DHX38: variants seen among roughly 807,000 people sequenced by gnomAD.
DHX38 encodes the protein DEAH-box helicase 38.
In DHX38, 100 loss-of-function variants were observed where a neutral mutation model predicts 153.1. That is an observed-to-expected ratio of 0.65 (90% confidence interval 0.56 to 0.77). The LOEUF is 0.77. Among genes scored for constraint, DHX38 ranks in the 30% least tolerant of loss-of-function variants. DHX38 has a pLI of 0.00. For missense variants in DHX38, 1,440 were observed against 1,654.0 expected (o/e 0.87, Z 2.24); for synonymous variants, 650 against 631.7 (o/e 1.03, Z -0.43).
rs531042365 is a variant in DHX38, at chr16:72,097,390, T to C, written c.512-287T>C. 3 of 447,162 alleles carry C rather than the reference T, an allele frequency of 6.7e-6. No individual in the cohort carries two copies. In the Admixed American group the frequency reaches 1.0e-4, roughly 15 times the overall value. The allele number at this position is 447,162 out of a possible 1,614,324, so 27.7% of individuals were successfully genotyped here. ...GCTCAGTATTAAGTTTTATAGCTGA[T>C]AGAATTGTAACTATTAAAAAAAATG... is the stretch of plus-strand genomic sequence containing the variant. On this transcript the variant is annotated intron_variant, in intron 3 of 26. Transcript: ENST00000268482.
chr16:72,104,585 ATCCCTGGCCGTACCT>A lies in DHX38; in HGVS notation c.2117_2131del (p.Gly706_Pro710del). The A allele has an allele frequency of 6.2e-7, 1 of 1,614,130 alleles. No individual in the cohort carries two copies. The highest frequency in any genetic ancestry group is 8.5e-7 in the Non-Finnish European group (1 of 1,180,026). ...TTTTGGGAATGTCCCCATCTTCCAC[ATCCCTGGCCGTACCT>A]TCCCTGTTGACATCCTCTTCAGCAA... is the stretch of plus-strand genomic sequence containing the variant. On this transcript the variant is annotated inframe_deletion, in exon 15 of 27. Transcript: ENST00000268482. This position sits in a 1 kb window ranked among gnomAD's most constrained non-coding sequence, Gnocchi z 4.5.
chr16:72,096,252 C>G lies in DHX38; in HGVS notation c.95C>G (p.Ala32Gly), dbSNP rs867897120. Residue 32 changes from alanine (A) to glycine (G), a missense_variant, in exon 2 of 27, where the codon GCG becomes GGG. This residue lies in a region of DHX38 where 483 missense variants were observed against 465.1 expected (regional missense o/e 1.04). Coordinates refer to ENST00000268482, the MANE Select transcript of DHX38 (RefSeq NM_014003.4). ...GGTCTTATTTGCAAGTCCAAAAGTG[C>G]GGCCAGCGAGCAGCATGTCTTCAAG... The part of the protein sequence containing the change: ...VGGLICKSKS[A>G]ASEQHVFKAP... The G allele has an allele frequency of 6.2e-7, 1 of 1,614,178 alleles. No individual in the cohort carries two copies. The highest frequency in any genetic ancestry group is 8.5e-7 in the Non-Finnish European group (1 of 1,180,036).
chr16:72,097,933 G>T, intron 4 of DHX38, 152 bp downstream of exon 4: 2 of 734,304 alleles, frequency 2.7e-6, no homozygotes, highest in Non-Finnish European at 4.6e-6. Flanking sequence ...AGTCAGGTGG[G>T]CACAGCTCTG....
Position 72,108,483 on chromosome 16 carries a change from T to C in DHX38, c.3131T>C (p.Val1044Ala). 1 of 1,613,844 alleles carries C rather than the reference T, an allele frequency of 6.2e-7. No homozygotes were observed. The highest frequency in any genetic ancestry group is 8.5e-7 in the Non-Finnish European group (1 of 1,179,956). Residue 1044 changes from valine (V) to alanine (A), a missense_variant, in exon 23 of 27, where the codon GTG becomes GCG. Val to Ala is a moderately conservative substitution (Grantham distance 64, BLOSUM62 0). Transcript: ENST00000268482. ...HAKAMRKVRE[V>A]RAQLKDIMVQ... ...CGTCTCCTGCCCTAGGTCCGGGAGG[T>C]GCGAGCTCAACTCAAGGACATCATG...
intron 5 of DHX38, 50 bp from the exon 6 acceptor site, chr16:72,098,877 C>T (rs369922779): frequency 1.6e-5 from 26 of 1,613,676 alleles, no homozygotes; most frequent in South Asian, 1.3e-4. Context: ...GCCAGGAGGA[C>T]GTGGCTTAGC....
Position 72,096,471 on chromosome 16 carries a change from G to T in DHX38, c.314G>T (p.Arg105Leu), listed in dbSNP as rs762921890. 1.2e-6 allele frequency: 2 copies of T among 1,611,788 alleles called. No individual in the cohort carries two copies. Among genetic ancestry groups the T allele is most frequent in the African/African-American group, 2.7e-5 (2 of 74,894 alleles). The change falls in exon 2 of 27, where the codon CGG becomes CTG. Residue 105 changes from arginine to leucine, a missense_variant. By Grantham distance (102) the Arg-to-Leu change is moderately radical. Around this residue, in one of 6 missense-constraint regions of DHX38, gnomAD observed 483 missense variants for 465.1 expected, o/e 1.04. Coordinates refer to ENST00000268482, the MANE Select transcript of DHX38 (RefSeq NM_014003.4). ...GGTGACCAGGCTGGCCAAAATATCC[G>T]GAAAGACAGGTAAAGGCCTTAGTAT... ...EGGDQAGQNI[R>L]KDRHYRSARV...
intron 5 of DHX38, 58 bp downstream of exon 5, chr16:72,098,850 A>C (rs1406409586): frequency 2.5e-6 from 4 of 1,613,474 alleles, no homozygotes; most frequent in Middle Eastern, 1.6e-4. Flanking sequence ...GAGCCTCGGC[A>C]GGGAGAGCAG....
Position 72,104,182 on chromosome 16 carries a change from A to G in DHX38, c.2010+51A>G. ...CTGCGCATGGGGTGTTGACCAGTGC[A>G]CCACCAGTAGCTAGTGGGTTGCTCC... is the stretch of plus-strand genomic sequence containing the variant. On this transcript the variant is annotated intron_variant, in intron 14 of 26. Coordinates refer to ENST00000268482, the MANE Select transcript of DHX38 (RefSeq NM_014003.4). This position sits in a 1 kb window ranked among gnomAD's most constrained non-coding sequence, Gnocchi z 4.5. 4 of 1,589,896 alleles carry G rather than the reference A, an allele frequency of 2.5e-6. No homozygotes were observed. Among genetic ancestry groups the G allele is most frequent in the Non-Finnish European group, 3.4e-6 (4 of 1,163,878 alleles).
chr16:72,104,044 C>T lies in DHX38; in HGVS notation c.1923C>T (p.Ala641=), dbSNP rs541264160. The change falls in exon 14 of 27, where the codon GCC becomes GCT. Residue 641 remains alanine, a synonymous_variant. Coordinates refer to ENST00000268482, the MANE Select transcript of DHX38 (RefSeq NM_014003.4). This position sits in a 1 kb window ranked among gnomAD's most constrained non-coding sequence, Gnocchi z 4.5. Reference sequence around the variant, plus strand: ...TGCTCCGAGAGTCCCTCCGGGAAGCCGACCTGGATCACTACAGTGCCATCA... The same window carrying T: ...TGCTCCGAGAGTCCCTCCGGGAAGCTGACCTGGATCACTACAGTGCCATCA... The part of the protein sequence containing the change: ...GILLRESLRE[A]DLDHYSAIIM... 2.9e-5 allele frequency: 47 copies of T among 1,614,178 alleles called. No individual in the cohort carries two copies. Among genetic ancestry groups the T allele is most frequent in the Admixed American group, 1.8e-4 (11 of 60,028 alleles).
chr16:72,112,445 A>C lies in DHX38; in HGVS notation c.3632A>C (p.Glu1211Ala). ...AAGATCTACACTCCAGGCCGGAAAG[A>C]GCAAGGGGAGCCCATGACCCCTCGC... ...STKIYTPGRK[E>A]QGEPMTPRRT... The change falls in exon 27 of 27, where the codon GAG becomes GCG. Residue 1211 changes from glutamate to alanine, a missense_variant. Physicochemically the swap from Glu to Ala is moderately radical, Grantham distance 107 (BLOSUM62 -1). Coordinates refer to ENST00000268482, the MANE Select transcript of DHX38 (RefSeq NM_014003.4). 1 of 1,611,432 alleles carries C rather than the reference A, an allele frequency of 6.2e-7. No individual in the cohort carries two copies. Among genetic ancestry groups the C allele is most frequent in the Non-Finnish European group, 8.5e-7 (1 of 1,179,984 alleles).
At position 72,096,488 on chromosome 16, in the gene DHX38, C is replaced by A. The variant is rs761003476; in HGVS notation, c.323+8C>A. 1.9e-6 allele frequency: 3 copies of A among 1,607,970 alleles called. No individual in the cohort carries two copies. The South Asian group carries it at 3.3e-5, about 18-fold the overall frequency. ...AAATATCCGGAAAGACAGGTAAAGG[C>A]CTTAGTATGGGTTAGCCCAGAGGGA... On this transcript the variant is annotated splice_region_variant and intron_variant, in intron 2 of 26. Coordinates refer to ENST00000268482, the MANE Select transcript of DHX38 (RefSeq NM_014003.4).
chr16:72,109,587 T>TG lies in DHX38; in HGVS notation c.3477+78dup, dbSNP rs2042231668. ...TTCCCTCCGCTTGGTATTGAAGACT[T>TG]GCGGTCATCCAACCCACTTACTTCT... On this transcript the variant is annotated intron_variant, in intron 25 of 26. Coordinates refer to ENST00000268482, the MANE Select transcript of DHX38 (RefSeq NM_014003.4). The TG allele has an allele frequency of 6.0e-5, 82 of 1,371,338 alleles. No homozygotes were observed. In the South Asian group the frequency reaches 1.0e-3, roughly 17 times the overall value. The allele number at this position is 1,371,338 out of a possible 1,614,324, so 84.9% of individuals were successfully genotyped here.
Position 72,097,658 on chromosome 16 carries a change from T to A in DHX38, c.512-19T>A. 2.5e-6 allele frequency: 4 copies of A among 1,611,586 alleles called. No homozygotes were observed. The highest frequency in any genetic ancestry group is 3.4e-6 in the Non-Finnish European group (4 of 1,178,490). On this transcript the variant is annotated intron_variant, in intron 3 of 26. Coordinates refer to ENST00000268482, the MANE Select transcript of DHX38 (RefSeq NM_014003.4). ...TAGGATGGGATGCATGTTTTTAAGC[T>A]TCGTGTGACTCTTCATAGATGAGCG...
At chr16:72,100,707 G>T in intron 9 of DHX38, 110 bp downstream of exon 9, 1 of 1,447,042 alleles carries the variant, frequency 6.9e-7, no homozygotes, top group Non-Finnish European at 9.4e-7. Context: ...GAGGAGGGTG[G>T]ATCATTGGAT....
At chr16:72,109,589 C>A in intron 25 of DHX38, 79 bp downstream of exon 25, 1 of 1,355,340 alleles carries the variant, frequency 7.4e-7, no homozygotes, top group Non-Finnish European at 9.9e-7. Context: ...TGAAGACTTG[C>A]GGTCATCCAA....
Position 72,107,951 on chromosome 16 carries a change from T to A in DHX38, c.2964+152T>A, listed in dbSNP as rs114337289. 2.1e-3 allele frequency: 2,590 copies of A among 1,237,558 alleles called. 30 individuals are homozygous for A. The African/African-American group carries it at 0.033, about 16-fold the overall frequency. The allele number at this position is 1,237,558 out of a possible 1,614,324, so 76.7% of individuals were successfully genotyped here. A position where few individuals can be genotyped will look rare whatever the true frequency, so the allele number is the denominator to read the frequency against. ...CTGTTCTCGGTTAAGCAGGTTGGGG[T>A]AGGGGAAAGGAAGGGCTGGGCCAGT... On this transcript the variant is annotated intron_variant, in intron 21 of 26. Transcript: ENST00000268482. This position sits in a 1 kb window ranked among gnomAD's most constrained non-coding sequence, Gnocchi z 5.3.
chr16:72,108,206 A>G (rs765241130), intron 21 of DHX38, 21 bp from the exon 22 acceptor site: 1 of 1,613,008 alleles, frequency 6.2e-7, no homozygotes, highest in South Asian at 1.1e-5. Flanking sequence ...CTTAGAGTGA[A>G]GGTTCTTTTT....
Position 72,096,259 on chromosome 16 carries a change from C to T in DHX38, c.102C>T (p.Ser34=), listed in dbSNP as rs762167877. 3.7e-6 allele frequency: 6 copies of T among 1,614,156 alleles called. No individual in the cohort carries two copies. The highest frequency in any genetic ancestry group is 2.2e-5 in the East Asian group (1 of 44,878). The change falls in exon 2 of 27, where the codon AGC becomes AGT. Residue 34 remains serine (S), a synonymous_variant. Coordinates refer to ENST00000268482, the MANE Select transcript of DHX38 (RefSeq NM_014003.4). ...TTTGCAAGTCCAAAAGTGCGGCCAG[C>T]GAGCAGCATGTCTTCAAGGCTCCTG... ...GLICKSKSAA[S]EQHVFKAPAP...
At chr16:72,095,615 T>C (rs2042002634) in intron 1 of DHX38, among the ~76,000 whole-genome samples, 1 of 152,252 alleles carries the variant, frequency 6.6e-6, no homozygotes, top group Admixed American at 6.5e-5. Flanking sequence ...CACTTTTTGT[T>C]TGATTCTCAC....
Sources: gnomAD v4.1 joint callset for allele counts (sites outside exome capture counted in the v4.1 genomes callset) on GRCh38, gnomAD v4.1.1 for gene constraint, gnomAD v4.1.1 regional missense constraint, Gnocchi (gnomAD v3.1) non-coding constraint, MANE v1.5 for transcripts, NCBI Gene and HGNC (gene_info 2026-07-23, HGNC 2026-07-21) for gene names.